Variants in ZNF618 observed in about 807,000 individuals in gnomAD.
The protein encoded by ZNF618 is neural precursor cell expressed, developmentally down-regulated 10.
In ZNF618, 34 loss-of-function variants were observed where a neutral mutation model predicts 103.0. That is an observed-to-expected ratio of 0.33 (90% CI 0.25 to 0.44). The LOEUF (loss-of-function observed/expected upper bound fraction) is 0.44. Ranked by LOEUF, ZNF618 falls within the 20% of genes least tolerant of loss-of-function variation. The pLI is 1.00. For synonymous variants in ZNF618, 551 were observed against 542.2 expected, an observed-to-expected ratio of 1.02 and a Z score of -0.23; for missense variants, 1,059 against 1,295.4, an observed-to-expected ratio of 0.82 and a Z score of 2.80.
At chr9:113,989,951 C>T (rs549857875) in intron 3 of ZNF618, among the ~76,000 whole-genome samples, 51 of 152,224 alleles carry the variant, frequency 3.4e-4, no homozygotes, top group South Asian at 6.2e-4. Context: ...CTGCTTATAC[C>T]CTGGGACTCC....
chr9:114,045,310 A>T (rs1010456796), intron 13 of ZNF618, among the ~76,000 whole-genome samples: 1 of 152,104 alleles, frequency 6.6e-6, no homozygotes, highest in Non-Finnish European at 1.5e-5. Flanking sequence ...TAATCAGTTC[A>T]TATGTTTCCT....
chr9:113,995,175 T>A (rs1349679786), intron 3 of ZNF618, among the ~76,000 whole-genome samples: 1 of 152,100 alleles, frequency 6.6e-6, no homozygotes, highest in African/African-American at 2.4e-5. Flanking sequence ...TGCTTGAAAG[T>A]CTTTTATTGA....
intron 13 of ZNF618, among the ~76,000 whole-genome samples, chr9:114,041,687 T>C (rs1235893555): frequency 6.6e-6 from 1 of 152,210 alleles, no homozygotes; most frequent in African/African-American, 2.4e-5. Context: ...CATTGGTCTA[T>C]ATCTCTGTTT....
intron 1 of ZNF618, among the ~76,000 whole-genome samples, chr9:113,963,701 T>G (rs1336959411): frequency 6.6e-6 from 1 of 152,264 alleles, no homozygotes. Context: ...CAATGCACCA[T>G]TCATCTAAGC....
chr9:113,962,744 C>T (rs1247276682), intron 1 of ZNF618, among the ~76,000 whole-genome samples: 1 of 152,226 alleles, frequency 6.6e-6, no homozygotes, highest in Non-Finnish European at 1.5e-5. Context: ...AAATTGCAGC[C>T]TGTGGCTCCT....
chr9:113,915,652 G>T (rs1279747207), intron 1 of ZNF618, among the ~76,000 whole-genome samples: 1 of 152,186 alleles, frequency 6.6e-6, no homozygotes, highest in Non-Finnish European at 1.5e-5. Context: ...ATATTAGGTG[G>T]TCTACTTGAG....
chr9:113,982,133 G>A (rs1016867618), intron 2 of ZNF618, among the ~76,000 whole-genome samples: 4 of 152,240 alleles, frequency 2.6e-5, no homozygotes, highest in African/African-American at 7.2e-5. Context: ...GGTAGTGGAA[G>A]ATAGTAATTT....
chr9:113,880,095 T>C (rs1828376498), intron 1 of ZNF618, among the ~76,000 whole-genome samples: 1 of 152,134 alleles, frequency 6.6e-6, no homozygotes, highest in Admixed American at 6.5e-5. Context: ...CTTGGCATGC[T>C]GCTTCCTCTG....
At chr9:114,008,428 C>T (rs890666678) in intron 8 of ZNF618, 49 bp downstream of exon 8, 5 of 1,613,692 alleles carry the variant, frequency 3.1e-6, no homozygotes, top group African/African-American at 2.7e-5. Flanking sequence ...CGGCTGGGCT[C>T]CTGAGACCTG....
At chr9:113,992,773 T>G (rs1430331468) in intron 3 of ZNF618, among the ~76,000 whole-genome samples, 1 of 152,150 alleles carries the variant, frequency 6.6e-6, no homozygotes, top group Non-Finnish European at 1.5e-5. Context: ...GCACTTCCCG[T>G]GGGGGAGCCC....
At chr9:114,038,174 C>T (rs1287131417) in intron 13 of ZNF618, among the ~76,000 whole-genome samples, 1 of 152,230 alleles carries the variant, frequency 6.6e-6, no homozygotes, top group African/African-American at 2.4e-5. Context: ...CTGAGACTCC[C>T]ACAGCACAGC....
chr9:113,985,902 C>T (rs539286081), intron 2 of ZNF618, among the ~76,000 whole-genome samples: 2 of 152,266 alleles, frequency 1.3e-5, no homozygotes, highest in African/African-American at 2.4e-5. Context: ...AGAACACTGC[C>T]GGGCACATAG....
chr9:113,982,295 T>C (rs1564251700), intron 2 of ZNF618, among the ~76,000 whole-genome samples: 1 of 152,212 alleles, frequency 6.6e-6, no homozygotes, highest in South Asian at 2.1e-4. Context: ...GTTGGAAGAG[T>C]GAGATTCCCT....
At chr9:113,937,618 A>G (rs1289243108) in intron 1 of ZNF618, among the ~76,000 whole-genome samples, 1 of 152,198 alleles carries the variant, frequency 6.6e-6, no homozygotes, top group Non-Finnish European at 1.5e-5. Context: ...TATTTTGTAC[A>G]CTGTCCCTCA....
rs144706183 is a variant in ZNF618 at position 113,937,496 on chromosome 9, C to G, written c.34-31621C>G. Among the ~76,000 whole-genome samples, 810 of 152,226 alleles carry G rather than the reference C, an allele frequency of 5.3e-3. 7 individuals are homozygous for G. Among genetic ancestry groups the G allele is most frequent in the African/African-American group, 0.019 (778 of 41,512 alleles). On this transcript the variant is annotated intron_variant, in intron 1 of 14. Coordinates refer to ENST00000374126, the MANE Select transcript of ZNF618 (RefSeq NM_001318042.2). ...TATGTTTTTTATAGGAAAAGAAAAC[C>G]CTGGATTCTGAGTGAAATTGTTTTC...
chr9:113,940,206 G>C (rs115344591), intron 1 of ZNF618, among the ~76,000 whole-genome samples: 6,938 of 151,270 alleles, frequency 0.046, 232 homozygotes, highest in African/African-American at 0.086. Context: ...TAGTTTTATT[G>C]CTTTGTGGTC....
intron 13 of ZNF618, among the ~76,000 whole-genome samples, 162 bp from the exon 14 acceptor site, chr9:114,047,731 T>A (rs547092198): frequency 1.9e-4 from 29 of 152,352 alleles, no homozygotes; most frequent in African/African-American, 7.0e-4. Context: ...AATGAGGCTT[T>A]GCAAGCATAG....
At chr9:114,016,810 G>T (rs1842682558) in intron 10 of ZNF618, 26 bp downstream of exon 10, 2 of 1,585,976 alleles carry the variant, frequency 1.3e-6, no homozygotes, top group East Asian at 2.3e-5. Flanking sequence ...CGGTAGGGAT[G>T]GGGGTTGGGG....
At chr9:113,989,186 T>C (rs1020185359) in intron 3 of ZNF618, among the ~76,000 whole-genome samples, 4 of 152,166 alleles carry the variant, frequency 2.6e-5, no homozygotes, top group African/African-American at 9.6e-5. Context: ...CCAACAAATA[T>C]GTTTATTTAG....
Sources: gnomAD v4.1 joint callset for allele counts (sites outside exome capture counted in the v4.1 genomes callset) on GRCh38, gnomAD v4.1.1 for gene constraint, MANE v1.5 for transcripts, NCBI Gene and HGNC (gene_info 2026-07-23, HGNC 2026-07-21) for gene names.